The following CBR4 variants were observed in gnomAD, a reference collection of about 807,000 sequenced individuals.
The protein encoded by CBR4 is 3-oxoacyl-[acyl-carrier-protein] reductase.
A neutral mutation model predicts 21.0 loss-of-function variants in CBR4; 22 were observed. That is an observed-to-expected ratio of 1.05 (90% CI 0.75 to 1.50). The LOEUF is 1.50. Ranked by LOEUF, CBR4 falls within the 40% of genes most tolerant of loss-of-function variation. The pLI is 0.00. For synonymous variants in CBR4, 100 were observed against 104.4 expected, an observed-to-expected ratio of 0.96 and a Z score of 0.26; for missense variants, 302 against 286.3, an observed-to-expected ratio of 1.05 and a Z score of -0.40.
chr4:168,964,269 C>A (rs1763952552), intron 2 of CBR4, among the ~76,000 whole-genome samples: 1 of 152,168 alleles, frequency 6.6e-6, no homozygotes, highest in South Asian at 2.1e-4. Flanking sequence ...TCTGAGTATG[C>A]ATATGTTCTC....
At chr4:168,996,100 C>T (rs1466975908) in intron 4 of CBR4, among the ~76,000 whole-genome samples, 1 of 152,138 alleles carries the variant, frequency 6.6e-6, no homozygotes, top group East Asian at 1.9e-4. Flanking sequence ...ACAATCTCTC[C>T]CCAGACCTAT....
At chr4:169,004,713 T>C (rs1332238459) in intron 3 of CBR4, among the ~76,000 whole-genome samples, 1 of 152,218 alleles carries the variant, frequency 6.6e-6, no homozygotes, top group African/African-American at 2.4e-5. Flanking sequence ...AAAGCTACAA[T>C]ATCTGCGAGA....
chr4:168,913,253 C>T (rs1299883945), intron 2 of CBR4, among the ~76,000 whole-genome samples: 1 of 151,688 alleles, frequency 6.6e-6, no homozygotes, highest in Non-Finnish European at 1.5e-5. Flanking sequence ...TCTTCTGCCT[C>T]AGCCTCCCAA....
intron 2 of CBR4, among the ~76,000 whole-genome samples, chr4:168,950,864 G>T (rs1763520047): frequency 6.6e-6 from 1 of 151,984 alleles, no homozygotes; most frequent in African/African-American, 2.4e-5. Context: ...TTTTTTAACT[G>T]CTGTTGCTTT....
In CBR4 at chr4:168,989,322, G is replaced by A; in HGVS notation, c.*828C>T. On this transcript the variant is annotated 3_prime_UTR_variant, in exon 5 of 5. Transcript: ENST00000306193. ...CATGAAATCTGTGCGGTTCACTACT[G>A]TACCAGGTATTAAAACCTTAAGGGC... 1.0e-6 allele frequency: 1 copy of A among 985,342 alleles called. No homozygotes were observed. The allele number at this position is 985,342 out of a possible 1,614,324, so 61.0% of individuals were successfully genotyped here.
intron 2 of CBR4, among the ~76,000 whole-genome samples, chr4:168,920,478 T>C (rs752720244): frequency 1.3e-5 from 2 of 152,200 alleles, no homozygotes; most frequent in Non-Finnish European, 2.9e-5. Context: ...CATCTTTTTG[T>C]ATATAACTTC....
chr4:168,981,298 T>C (rs1027929815), intron 2 of CBR4, among the ~76,000 whole-genome samples: 1 of 151,482 alleles, frequency 6.6e-6, no homozygotes. Flanking sequence ...ACTCGGGAGG[T>C]TGAGGCAGGA....
intron 2 of CBR4, among the ~76,000 whole-genome samples, chr4:168,906,478 T>C (rs931646795): frequency 1.3e-5 from 2 of 152,116 alleles, no homozygotes; most frequent in East Asian, 1.9e-4. Context: ...TCATTTAAAC[T>C]CTCTTGACAA....
chr4:168,988,168 C>G lies in CBR4; in HGVS notation c.*1982G>C. The G allele has an allele frequency of 1.0e-6, 1 of 985,308 alleles. No homozygotes were observed. Among genetic ancestry groups the G allele is most frequent in the Non-Finnish European group, 1.2e-6 (1 of 829,846 alleles). The allele number at this position is 985,308 out of a possible 1,614,324, so 61.0% of individuals were successfully genotyped here. A position where few individuals can be genotyped will look rare whatever the true frequency, so the allele number is the denominator to read the frequency against. On this transcript the variant is annotated 3_prime_UTR_variant, in exon 5 of 5. Coordinates refer to ENST00000306193, the MANE Select transcript of CBR4 (RefSeq NM_032783.5). ...GGTAAGTATTAAATTACAAATTCTA[C>G]TAGGTCAGTGGGAGTGGGCGGATTC...
In CBR4 at chr4:169,007,695, T is replaced by C. The variant is rs369064575; in HGVS notation, c.204A>G (p.Glu68=). ...AKEHDVQNTF[E]ELEKHLGRVN... ...CTCGACCTAAATGTTTCTCCAGCTCTTCAAATGTATTTTGAACATCATGTT... is the reference window on the plus strand; with the variant it reads ...CTCGACCTAAATGTTTCTCCAGCTCCTCAAATGTATTTTGAACATCATGTT... Residue 68 remains glutamate, a synonymous_variant, in exon 2 of 5, where the codon GAA becomes GAG. Transcript: ENST00000306193. 2.3e-4 allele frequency: 368 copies of C among 1,596,100 alleles called. 3 individuals are homozygous for C. In the South Asian group the frequency reaches 3.5e-3, roughly 15 times the overall value.
chr4:168,998,244 T>C (rs1171912543), intron 4 of CBR4, among the ~76,000 whole-genome samples: 1 of 152,218 alleles, frequency 6.6e-6, no homozygotes, highest in Non-Finnish European at 1.5e-5. Context: ...TACACTCATA[T>C]ACTTGCAAAT....
chr4:169,001,316 C>T (rs1730411679), intron 4 of CBR4: 1 of 152,128 alleles, frequency 6.6e-6, no homozygotes, highest in South Asian at 2.1e-4. Flanking sequence ...AAAGACAAAG[C>T]TTTTAGTAAC....
chr4:168,947,953 A>C (rs1454556071), intron 2 of CBR4, among the ~76,000 whole-genome samples: 1 of 152,158 alleles, frequency 6.6e-6, no homozygotes, highest in Non-Finnish European at 1.5e-5. Flanking sequence ...GAATCTCCAC[A>C]CTGTTTTTCA....
intron 2 of CBR4, among the ~76,000 whole-genome samples, chr4:168,953,404 T>C (rs1214588474): frequency 1.3e-5 from 2 of 152,102 alleles, no homozygotes; most frequent in African/African-American, 2.4e-5. Context: ...TAATAAAACC[T>C]ACATTCACTC....
At chr4:168,921,068 AAAGCAAAAGTTTT>A (rs1379516816) in intron 2 of CBR4, among the ~76,000 whole-genome samples, 1 of 152,088 alleles carries the variant, frequency 6.6e-6, no homozygotes, top group Non-Finnish European at 1.5e-5. Flanking sequence ...GCCAAAGTTT[AAAGCAAAAGTTTT>A]AAGCAAAAGA....
intron 4 of CBR4, among the ~76,000 whole-genome samples, chr4:168,997,305 T>C (rs929188376): frequency 2.0e-5 from 3 of 152,232 alleles, no homozygotes; most frequent in East Asian, 3.8e-4. Flanking sequence ...AGAGCAAAGA[T>C]ACTTCTAGTT....
chr4:169,010,189 A>G lies in CBR4; in HGVS notation c.-100T>C, dbSNP rs999182887. On this transcript the variant is annotated 5_prime_UTR_variant, in exon 1 of 5. Coordinates refer to ENST00000306193, the MANE Select transcript of CBR4 (RefSeq NM_032783.5). ...AACCGCGGTTCCAAAAAAAAAAAAA[A>G]GAAAAAAAAAGGCAAACCGCAAAAA... 590 of 879,344 alleles carry G rather than the reference A, an allele frequency of 6.7e-4. No individual in the cohort carries two copies. The highest frequency in any genetic ancestry group is 8.0e-4 in the Non-Finnish European group (493 of 619,574). 54.5% of individuals were successfully genotyped at this position (879,344 alleles called of 1,614,324 possible).
chr4:168,941,941 A>C (rs1278172774), intron 2 of CBR4, among the ~76,000 whole-genome samples: 1 of 152,200 alleles, frequency 6.6e-6, no homozygotes, highest in African/African-American at 2.4e-5. Context: ...ATGTATGTTT[A>C]CTGCAGCCGT....
At chr4:168,959,031 A>G (rs1377250458) in intron 2 of CBR4, among the ~76,000 whole-genome samples, 1 of 151,882 alleles carries the variant, frequency 6.6e-6, no homozygotes, top group Non-Finnish European at 1.5e-5. Context: ...AAAGAGCAAA[A>G]TTTCTTGATT....
Sources: allele counts gnomAD v4.1 joint callset (sites outside exome capture counted in the v4.1 genomes callset), GRCh38; gene constraint gnomAD v4.1.1; transcripts MANE v1.5; gene names NCBI Gene and HGNC (gene_info 2026-07-23, HGNC 2026-07-21).